DENND5B: variants seen among roughly 807,000 people sequenced by gnomAD.
DENND5B encodes DENN domain-containing protein 5B.
A neutral mutation model predicts 140.6 loss-of-function variants in DENND5B; 34 were observed. That is an observed-to-expected ratio of 0.24 (90% confidence interval 0.18 to 0.32). DENND5B has a LOEUF of 0.32. Among genes scored for constraint, DENND5B ranks in the 10% least tolerant of loss-of-function variants. The pLI is 1.00. For synonymous variants in DENND5B, 551 were observed against 562.1 expected (o/e 0.98, Z 0.28); for missense variants, 1,142 against 1,560.2 (o/e 0.73, Z 4.52).
chr12:31,541,392 A>C (rs1948676961), intron 1 of DENND5B, among the ~76,000 whole-genome samples: 2 of 152,238 alleles, frequency 1.3e-5, no homozygotes, highest in African/African-American at 2.4e-5. Context: ...AAAATGGGCA[A>C]AATATCTGAA....
At chr12:31,565,451 T>C (rs1292824269) in intron 1 of DENND5B, among the ~76,000 whole-genome samples, 1 of 152,226 alleles carries the variant, frequency 6.6e-6, no homozygotes, top group African/African-American at 2.4e-5. Context: ...CTTATGTGGA[T>C]GCCTCTGGTC....
chr12:31,485,667 G>C (rs921454712), intron 2 of DENND5B, among the ~76,000 whole-genome samples: 1 of 152,106 alleles, frequency 6.6e-6, no homozygotes, highest in Non-Finnish European at 1.5e-5. Flanking sequence ...CAAGTAAAAT[G>C]CAACAGCAGT....
At chr12:31,468,135 T>C (rs531278847) in intron 3 of DENND5B, among the ~76,000 whole-genome samples, 1 of 152,030 alleles carries the variant, frequency 6.6e-6, no homozygotes, top group African/African-American at 2.4e-5. Context: ...GCACCTGTAG[T>C]CCCAGCTACA....
Position 31,497,665 on chromosome 12 carries a change from C to T in DENND5B, c.128-1746G>A, listed in dbSNP as rs1591925901. ...AAGTTACTTGGCCAGAATGTGGTGG[C>T]TCATGCCTGTAATCCCAGCACTTTG... On this transcript the variant is annotated intron_variant, in intron 1 of 20. Coordinates refer to ENST00000389082, the MANE Select transcript of DENND5B (RefSeq NM_144973.4). Among the ~76,000 whole-genome samples the T allele has an allele frequency of 2.0e-5, 3 of 147,804 alleles. No individual in the cohort carries two copies. In the South Asian group the frequency reaches 6.7e-4, roughly 33 times the overall value.
intron 1 of DENND5B, among the ~76,000 whole-genome samples, chr12:31,519,158 ATTTC>A (rs2138986758): frequency 6.6e-6 from 1 of 152,306 alleles, no homozygotes; most frequent in Non-Finnish European, 1.5e-5. Context: ...AATTTGCTCT[ATTTC>A]TTTCTTTCTG....
intron 1 of DENND5B, chr12:31,540,811 T>C (rs1398328098): frequency 5.6e-6 from 1 of 179,782 alleles, no homozygotes; most frequent in South Asian, 9.1e-5. Context: ...ATACTACAGT[T>C]AGAGTAACCA....
At chr12:31,499,321 C>G (rs932394450) in intron 1 of DENND5B, among the ~76,000 whole-genome samples, 1 of 152,164 alleles carries the variant, frequency 6.6e-6, no homozygotes, top group African/African-American at 2.4e-5. Context: ...AGTAACACTG[C>G]CAAATAACCT....
chr12:31,481,551 G>GAA (rs1946071184), intron 2 of DENND5B, among the ~76,000 whole-genome samples: 1 of 152,216 alleles, frequency 6.6e-6, no homozygotes, highest in African/African-American at 2.4e-5. Flanking sequence ...AAGCCCAACT[G>GAA]AAACCTCAGG....
chr12:31,402,717 C>T, intron 14 of DENND5B, 74 bp from the exon 15 acceptor site: 3 of 1,468,962 alleles, frequency 2.0e-6, no homozygotes, highest in Non-Finnish European at 2.7e-6. Context: ...ATATTAAGAA[C>T]TCTTGTTGGT....
chr12:31,467,921 A>G (rs1442118894), intron 3 of DENND5B, among the ~76,000 whole-genome samples: 1 of 152,130 alleles, frequency 6.6e-6, no homozygotes, highest in South Asian at 2.1e-4. Context: ...GAGAGAGAGA[A>G]AAGCAAGACA....
At chr12:31,443,071 C>A (rs570810561) in intron 6 of DENND5B, 146 bp from the exon 7 acceptor site, 2 of 697,208 alleles carry the variant, frequency 2.9e-6, no homozygotes, top group East Asian at 2.8e-5. Context: ...TGTGCACGCA[C>A]GCACGCATAT....
In DENND5B at chr12:31,479,932, A is replaced by G; in HGVS notation, c.561T>C (p.Tyr187=). ...TGATCAAGCATATACTTTTTGAAAC[A>G]TACAGGGTGTCTCTGCTAATATCAT... ...NSYDISRDTL[Y]VSKSICLITP... The change falls in exon 3 of 21, where the codon TAT becomes TAC. Residue 187 remains tyrosine (Y), a synonymous_variant. Coordinates refer to ENST00000389082, the MANE Select transcript of DENND5B (RefSeq NM_144973.4). 6.2e-7 allele frequency: 1 copy of G among 1,614,010 alleles called. No homozygotes were observed. Among genetic ancestry groups the G allele is most frequent in the Non-Finnish European group, 8.5e-7 (1 of 1,179,858 alleles).
chr12:31,459,492 G>A (rs1944922736), intron 4 of DENND5B, among the ~76,000 whole-genome samples: 2 of 152,100 alleles, frequency 1.3e-5, no homozygotes, highest in African/African-American at 4.8e-5. Flanking sequence ...GTTTCATCAT[G>A]TTAGCCAGGA....
At chr12:31,466,998 G>A (rs1251830237) in intron 3 of DENND5B, among the ~76,000 whole-genome samples, 1 of 152,066 alleles carries the variant, frequency 6.6e-6, no homozygotes, top group Non-Finnish European at 1.5e-5. Context: ...GACATTAGAG[G>A]TGATGGCTGA....
At position 31,590,775 on chromosome 12, in the gene DENND5B, G is replaced by A. The variant is rs1268032479; in HGVS notation, c.58C>T (p.Arg20Cys). The A allele has an allele frequency of 2.9e-6, 4 of 1,385,928 alleles. No homozygotes were observed. The highest frequency in any genetic ancestry group is 6.2e-5 in the East Asian group (2 of 32,268). 85.9% of individuals were successfully genotyped at this position (1,385,928 alleles called of 1,614,324 possible). A position where few individuals can be genotyped will look rare whatever the true frequency, so the allele number is the denominator to read the frequency against. ...CACAGCACGAAGTAGTGCGCGAAGC[G>A]GCAGGCGGCCGGGGAGGAGCCCGAG... ...PGSGSSPAACRFAHYFVLCGI... is the reference protein window; with the variant it reads ...PGSGSSPAACCFAHYFVLCGI... Residue 20 changes from arginine (R) to cysteine (C), a missense_variant, in exon 1 of 21, where the codon CGC (arginine) becomes TGC (cysteine). This residue lies in a region of DENND5B where 708 missense variants were observed against 905.5 expected (regional missense o/e 0.78). Transcript: ENST00000389082.
At chr12:31,529,342 A>AACTGCATCCAAAGGAGT (rs1238547266) in intron 1 of DENND5B, among the ~76,000 whole-genome samples, 1 of 152,156 alleles carries the variant, frequency 6.6e-6, no homozygotes. Context: ...TCTCTAAGAA[A>AACTGCATCCAAAGGAGT]ACTGCATCCA....
intron 1 of DENND5B, chr12:31,534,977 G>T (rs1948430243): frequency 3.9e-6 from 1 of 258,182 alleles, no homozygotes; most frequent in South Asian, 3.9e-5. Flanking sequence ...GGGAGGCTGA[G>T]GCAGGAAGAT....
chr12:31,444,419 T>C (rs1944184011), intron 6 of DENND5B, among the ~76,000 whole-genome samples: 1 of 152,104 alleles, frequency 6.6e-6, no homozygotes, highest in Non-Finnish European at 1.5e-5. Flanking sequence ...AATTTTTGTA[T>C]TTTTAGTAGA....
intron 1 of DENND5B, among the ~76,000 whole-genome samples, chr12:31,512,419 A>G (rs1216984938): frequency 6.7e-6 from 1 of 148,198 alleles, no homozygotes; most frequent in Non-Finnish European, 1.5e-5. Context: ...TTTAGTAGAG[A>G]TAAGGTCTTG....
Sources: gnomAD v4.1 joint callset for allele counts (sites outside exome capture counted in the v4.1 genomes callset) on GRCh38, gnomAD v4.1.1 for gene constraint, gnomAD v4.1.1 regional missense constraint, MANE v1.5 for transcripts, NCBI Gene and HGNC (gene_info 2026-07-23, HGNC 2026-07-21) for gene names.